Variants in ERCC6 observed in about 807,000 individuals in gnomAD.
ERCC6 encodes DNA excision repair protein ERCC-6.
In ERCC6, 116 loss-of-function variants were observed where a neutral mutation model predicts 158.7. That is an observed-to-expected ratio of 0.73 (90% CI 0.63 to 0.85). The LOEUF is 0.85. Ranked by LOEUF, ERCC6 falls within the 40% of genes least tolerant of loss-of-function variation. The probability of loss-of-function intolerance (pLI) is 0.00; values close to 1 mark genes in which losing one functional copy is unlikely to be tolerated. For synonymous variants in ERCC6, 678 were observed against 659.3 expected, an observed-to-expected ratio of 1.03 and a Z score of -0.43; for missense variants, 1,698 against 1,799.4, an observed-to-expected ratio of 0.94 and a Z score of 1.02.
chr10:49,532,986 G>GA lies in ERCC6; in HGVS notation c.-14-9dup, dbSNP rs755694591. 3.1e-6 allele frequency: 5 copies of GA among 1,613,162 alleles called. No homozygotes were observed. The highest frequency in any genetic ancestry group is 4.2e-6 in the Non-Finnish European group (5 of 1,179,712). On this transcript the variant is annotated splice_polypyrimidine_tract_variant and intron_variant, in intron 1 of 20. Coordinates refer to ENST00000355832, the MANE Select transcript of ERCC6 (RefSeq NM_000124.4). ...GCATTCTCTACAGACTACCTAAAAG[G>GA]AAAAAAATTTATAAGCCTTTTCGTT...
At chr10:49,488,951 AT>A (rs1259796178) in intron 8 of ERCC6, among the ~76,000 whole-genome samples, 1 of 151,880 alleles carries the variant, frequency 6.6e-6, no homozygotes, top group Non-Finnish European at 1.5e-5. Context: ...CGCCTGGCTA[AT>A]TTTTTGTATT....
intron 5 of ERCC6, among the ~76,000 whole-genome samples, chr10:49,511,918 T>C (rs1277961222): frequency 3.9e-5 from 6 of 152,204 alleles, no homozygotes; most frequent in African/African-American, 1.4e-4. Context: ...GTAACATTGT[T>C]GAATCTGCCT....
At chr10:49,509,030 T>C (rs1851492511) in intron 5 of ERCC6, among the ~76,000 whole-genome samples, 1 of 152,120 alleles carries the variant, frequency 6.6e-6, no homozygotes, top group Admixed American at 6.6e-5. Flanking sequence ...TATGCAGAAG[T>C]GCAGGCCCAG....
intron 5 of ERCC6, among the ~76,000 whole-genome samples, chr10:49,517,627 CTT>C (rs147251562): frequency 6.8e-6 from 1 of 146,316 alleles, no homozygotes; most frequent in Non-Finnish European, 1.5e-5. Flanking sequence ...AGTCTTCTTT[CTT>C]TTTTTTTTTT....
At chr10:49,437,771 C>A in the ERCC6 span, among the ~76,000 whole-genome samples, 1 of 151,806 alleles carries the variant, frequency 6.6e-6, no homozygotes, top group South Asian at 2.1e-4. Flanking sequence ...TTTGAAGAGA[C>A]TAATAAGAGA....
intron 1 of ERCC6, among the ~76,000 whole-genome samples, chr10:49,533,646 T>G (rs1053920308): frequency 6.6e-5 from 10 of 151,442 alleles, no homozygotes; most frequent in Non-Finnish European, 1.2e-4. Context: ...TACTAAAAAT[T>G]TAAAACCTTA....
At position 49,473,993 on chromosome 10, in the gene ERCC6, C is replaced by G. The variant is rs371906100; in HGVS notation, c.2598+34G>C. 2.6e-5 allele frequency: 41 copies of G among 1,590,066 alleles called. No individual in the cohort carries two copies. The African/African-American group carries it at 5.0e-4, about 19-fold the overall frequency. ...TGAGTTGATGGCTGTCATAAAGAAC[C>G]AGCCTGTTTCCCGTCTGAAGTCTGT... On this transcript the variant is annotated intron_variant, in intron 13 of 20. Transcript: ENST00000355832.
rs1851338468 is a variant in ERCC6 at position 49,500,528 on chromosome 10, G to A, written c.1685+10C>T. 1.2e-6 allele frequency: 2 copies of A among 1,613,442 alleles called. No individual in the cohort carries two copies. The highest frequency in any genetic ancestry group is 1.1e-5 in the South Asian group (1 of 91,046). On this transcript the variant is annotated intron_variant, in intron 7 of 20. Coordinates refer to ENST00000355832, the MANE Select transcript of ERCC6 (RefSeq NM_000124.4). Reference sequence around the variant, plus strand: ...CTCCACAGACTGACAGTCTGCAGAGGAGCACTTGCCTGTAATTTGAACCAC... The same window carrying A: ...CTCCACAGACTGACAGTCTGCAGAGAAGCACTTGCCTGTAATTTGAACCAC...
intron 6 of ERCC6, chr10:49,505,186 A>AC (rs1249582680): frequency 6.6e-6 from 1 of 152,140 alleles, no homozygotes; most frequent in Non-Finnish European, 1.5e-5. Flanking sequence ...GAGTGACGAG[A>AC]CTGAAAATGT....
In ERCC6 at chr10:49,534,146, A is replaced by C. The variant is rs1343564825; in HGVS notation, c.-14-1168T>G. On this transcript the variant is annotated intron_variant, in intron 1 of 20. Coordinates refer to ENST00000355832, the MANE Select transcript of ERCC6 (RefSeq NM_000124.4). ...GAGACTCAATCTCAAAAAAAAAAAA[A>C]AAAAAAAACAAAAAAAAAACTCCAT... 7.4e-5 allele frequency among the ~76,000 whole-genome samples: 11 copies of C among 148,872 alleles called. No individual in the cohort carries two copies. The East Asian group carries it at 9.7e-4, about 13-fold the overall frequency.
chr10:49,450,897 C>T (rs1200444774), downstream of ERCC6, among the ~76,000 whole-genome samples: 4 of 151,882 alleles, frequency 2.6e-5, no homozygotes, highest in Non-Finnish European at 4.4e-5. Flanking sequence ...CTGCAAGCTC[C>T]GCCTCCCAGG....
rs1293463730 is a variant in ERCC6, at chr10:49,478,338, T to G, written c.2286+16A>C. The G allele has an allele frequency of 6.6e-7, 1 of 1,506,984 alleles. No homozygotes were observed. The highest frequency in any genetic ancestry group is 9.2e-7 in the Non-Finnish European group (1 of 1,082,490). The allele number at this position is 1,506,984 out of a possible 1,614,324, so 93.4% of individuals were successfully genotyped here. A position where few individuals can be genotyped will look rare whatever the true frequency, so the allele number is the denominator to read the frequency against. ...TGTGCTTTAGGAATGCTTCGTTAAC[T>G]CCTGGATTTACAGACCTGTTCATTT... On this transcript the variant is annotated intron_variant, in intron 11 of 20. Transcript: ENST00000355832.
At chr10:49,486,643 T>C (rs538961162) in intron 8 of ERCC6, among the ~76,000 whole-genome samples, 1 of 152,268 alleles carries the variant, frequency 6.6e-6, no homozygotes, top group South Asian at 2.1e-4. Flanking sequence ...TCTGAACATT[T>C]TGACAGATAT....
chr10:49,458,340 A>C lies in ERCC6; in HGVS notation c.*475T>G, dbSNP rs548945088. On this transcript the variant is annotated 3_prime_UTR_variant, in exon 21 of 21. Transcript: ENST00000355832. ...CAAACCTGACCTTTGTGGGTGGCAA[A>C]TGGTAAATATAAATGTTTAAAGTTT... 1.9e-5 allele frequency: 3 copies of C among 156,546 alleles called. No individual in the cohort carries two copies. Among genetic ancestry groups the C allele is most frequent in the Non-Finnish European group, 4.3e-5 (3 of 70,488 alleles). The allele number at this position is 156,546 out of a possible 1,614,324, so 9.7% of individuals were successfully genotyped here.
intron 8 of ERCC6, among the ~76,000 whole-genome samples, chr10:49,490,631 G>A (rs1478203176): frequency 6.6e-6 from 1 of 152,152 alleles, no homozygotes; most frequent in African/African-American, 2.4e-5. Context: ...GGGATTACAG[G>A]CATGAGCCAC....
chr10:49,468,194 G>C (rs1181473971), intron 18 of ERCC6, among the ~76,000 whole-genome samples: 1 of 152,216 alleles, frequency 6.6e-6, no homozygotes, highest in Non-Finnish European at 1.5e-5. Context: ...TCAGTATTCA[G>C]CTGAGTGCCA....
At chr10:49,531,824 C>T (rs545583479) in intron 2 of ERCC6, among the ~76,000 whole-genome samples, 11 of 152,280 alleles carry the variant, frequency 7.2e-5, no homozygotes, top group Admixed American at 5.2e-4. Flanking sequence ...GTTCAGCCCT[C>T]GCCTTCTTTC....
intron 12 of ERCC6, chr10:49,475,566 C>A: frequency 6.2e-6 from 2 of 321,976 alleles, no homozygotes; most frequent in Non-Finnish European, 1.2e-5. Context: ...ATGACCTAAT[C>A]ACACTCACAT....
intron 8 of ERCC6, 150 bp downstream of exon 8, chr10:49,492,967 A>G (rs1204531981): frequency 3.8e-6 from 3 of 790,650 alleles, no homozygotes; most frequent in South Asian, 3.5e-5. Flanking sequence ...ACAGAGCTCT[A>G]AAGTAAGTCA....
Sources: allele counts gnomAD v4.1 joint callset (sites outside exome capture counted in the v4.1 genomes callset), GRCh38; gene constraint gnomAD v4.1.1; transcripts MANE v1.5; gene names NCBI Gene and HGNC (gene_info 2026-07-23, HGNC 2026-07-21).